The following RABGAP1L variants were observed in gnomAD, a reference collection of about 807,000 sequenced individuals.
RABGAP1L encodes rab GTPase-activating protein 1-like.
A neutral mutation model predicts 137.7 loss-of-function variants in RABGAP1L; 63 were observed. That is an observed-to-expected ratio of 0.46 (90% CI 0.37 to 0.56). RABGAP1L has a LOEUF of 0.56. Among genes scored for constraint, RABGAP1L ranks in the 20% least tolerant of loss-of-function variants. The pLI is 0.00. For synonymous variants in RABGAP1L, 431 were observed against 433.7 expected (o/e 0.99, Z 0.08); for missense variants, 1,095 against 1,244.0 (o/e 0.88, Z 1.80).
chr1:174,373,471 G>A (rs1455905531), intron 12 of RABGAP1L, among the ~76,000 whole-genome samples: 2 of 152,176 alleles, frequency 1.3e-5, no homozygotes, highest in Non-Finnish European at 2.9e-5. Context: ...ACTCAGAGGA[G>A]GTCTGAGGAG....
Position 174,650,428 on chromosome 1 carries a change from C to A in RABGAP1L, c.1824+12940C>A, listed in dbSNP as rs1275404808. The stretch of plus-strand genomic sequence containing the variant: ...GGAACGGTACCAGTTCCTCCTTGTA[C>A]CTCTGGTAGAATTCAGCTGTGAATC... On this transcript the variant is annotated intron_variant, in intron 14 of 25. Transcript: ENST00000681986. Among the ~76,000 whole-genome samples the A allele has an allele frequency of 2.0e-5, 3 of 152,096 alleles. No homozygotes were observed. In the South Asian group the frequency reaches 6.2e-4, roughly 32 times the overall value.
chr1:174,449,341 T>C, intron 13 of RABGAP1L: 1 of 698,480 alleles, frequency 1.4e-6, no homozygotes, highest in Non-Finnish European at 2.3e-6. Context: ...TTCTCTCTTT[T>C]TTTTTCTTTT....
intron 10 of RABGAP1L, among the ~76,000 whole-genome samples, chr1:174,292,329 CTTTTTTT>C (rs61636433): frequency 7.9e-5 from 4 of 50,600 alleles, no homozygotes; most frequent in East Asian, 1.4e-3. Flanking sequence ...CCTACCTAAT[CTTTTTTT>C]TTTTTTTTTT....
chr1:174,813,623 T>C (rs1176367216), intron 19 of RABGAP1L, among the ~76,000 whole-genome samples: 1 of 152,242 alleles, frequency 6.6e-6, no homozygotes, highest in Non-Finnish European at 1.5e-5. Context: ...TTCAAAGAGA[T>C]CATTTTCCAA....
chr1:174,955,279 C>T (rs1184512422), intron 19 of RABGAP1L, among the ~76,000 whole-genome samples: 3 of 152,222 alleles, frequency 2.0e-5, no homozygotes, highest in Non-Finnish European at 4.4e-5. Flanking sequence ...TGAATATTCT[C>T]ATAATGTGGT....
In RABGAP1L at chr1:174,960,574, A is replaced by T. The variant is rs549514137; in HGVS notation, c.2433+3025A>T. Among the ~76,000 whole-genome samples the T allele has an allele frequency of 2.8e-4, 43 of 152,312 alleles. No homozygotes were observed. In the South Asian group the frequency reaches 4.8e-3, roughly 17 times the overall value. On this transcript the variant is annotated intron_variant, in intron 20 of 25. Transcript: ENST00000681986. ...GATGATTGCACAACTTTGTGAATAT[A>T]CTAAAATCATTACATTGCACATTTT... is the stretch of plus-strand genomic sequence containing the variant.
chr1:174,173,454 G>A (rs539219763), intron 1 of RABGAP1L, among the ~76,000 whole-genome samples: 2 of 152,154 alleles, frequency 1.3e-5, no homozygotes, highest in East Asian at 1.9e-4. Flanking sequence ...TTAGAGGATG[G>A]GGTGGGTGAA....
At chr1:174,912,063 G>A (rs1485237033) in intron 19 of RABGAP1L, among the ~76,000 whole-genome samples, 1 of 152,146 alleles carries the variant, frequency 6.6e-6, no homozygotes, top group Non-Finnish European at 1.5e-5. Context: ...TGGCTAGGAT[G>A]TATCATGCCT....
chr1:174,628,847 C>T (rs1182638249), intron 13 of RABGAP1L, among the ~76,000 whole-genome samples: 3 of 152,048 alleles, frequency 2.0e-5, no homozygotes, highest in East Asian at 1.9e-4. Context: ...ACTTAGGGAG[C>T]CCGTGCATAT....
chr1:174,293,670 C>T (rs1256387986), intron 10 of RABGAP1L, among the ~76,000 whole-genome samples: 1 of 152,054 alleles, frequency 6.6e-6, no homozygotes, highest in Non-Finnish European at 1.5e-5. Context: ...CTATATTGAG[C>T]AGGAAAGGCC....
chr1:174,706,554 T>C (rs75140798), intron 17 of RABGAP1L, among the ~76,000 whole-genome samples: 6,295 of 152,224 alleles, frequency 0.041, 443 homozygotes, highest in African/African-American at 0.14. Flanking sequence ...AACATTGCAG[T>C]CTTTAAAATA....
At chr1:174,613,669 C>T (rs1275220435) in intron 13 of RABGAP1L, among the ~76,000 whole-genome samples, 1 of 152,024 alleles carries the variant, frequency 6.6e-6, no homozygotes, top group Non-Finnish European at 1.5e-5. Context: ...TTAAAGTCTC[C>T]CATTATTATT....
At chr1:174,831,068 T>C (rs1692065280) in intron 19 of RABGAP1L, among the ~76,000 whole-genome samples, 1 of 148,200 alleles carries the variant, frequency 6.7e-6, no homozygotes, top group African/African-American at 2.5e-5. Flanking sequence ...CAATTTTGTT[T>C]ATTTAATTTT....
intron 13 of RABGAP1L, among the ~76,000 whole-genome samples, chr1:174,399,339 A>T (rs1228422501): frequency 1.3e-5 from 2 of 152,102 alleles, no homozygotes; most frequent in Non-Finnish European, 2.9e-5. Flanking sequence ...GGGCATGAAC[A>T]CTCAAGAGTA....
intron 5 of RABGAP1L, chr1:174,246,325 AC>A (rs1448853830): frequency 1.3e-5 from 2 of 152,160 alleles, no homozygotes; most frequent in Non-Finnish European, 2.9e-5. Flanking sequence ...TTATCAATAA[AC>A]CTTTTCCTTC....
chr1:174,559,858 G>A (rs916098679), intron 13 of RABGAP1L, among the ~76,000 whole-genome samples: 2 of 152,168 alleles, frequency 1.3e-5, no homozygotes, highest in Non-Finnish European at 2.9e-5. Context: ...CCTTTTGGCC[G>A]AGTGTGGTGG....
At chr1:174,628,520 AAAT>A (rs1487718145) in intron 13 of RABGAP1L, among the ~76,000 whole-genome samples, 1 of 152,236 alleles carries the variant, frequency 6.6e-6, no homozygotes, top group African/African-American at 2.4e-5. Context: ...CATACATTCT[AAAT>A]AATGTTATTT....
chr1:174,370,599 G>A (rs922395727), intron 11 of RABGAP1L, among the ~76,000 whole-genome samples: 6 of 128,480 alleles, frequency 4.7e-5, no homozygotes, highest in Non-Finnish European at 6.5e-5. Context: ...AGGTATATAT[G>A]TTTGGCCCTT....
chr1:174,198,036 A>T (rs1186658952), intron 1 of RABGAP1L, among the ~76,000 whole-genome samples: 5 of 152,204 alleles, frequency 3.3e-5, no homozygotes, highest in Admixed American at 3.3e-4. Flanking sequence ...GCGCATATTT[A>T]AAGTAGTTGG....
Sources: gnomAD v4.1 joint callset for allele counts (sites outside exome capture counted in the v4.1 genomes callset) on GRCh38, gnomAD v4.1.1 for gene constraint, MANE v1.5 for transcripts, NCBI Gene and HGNC (gene_info 2026-07-23, HGNC 2026-07-21) for gene names.